The following CNTNAP2 variants were observed in gnomAD, a reference collection of about 807,000 sequenced individuals.
The protein encoded by CNTNAP2 is contactin associated protein 2, also known as contactin-associated protein-like 2.
In CNTNAP2, 98 loss-of-function variants were observed where a neutral mutation model predicts 155.2. The ratio of observed to expected loss-of-function variants is 0.63; its 90% CI spans 0.54 to 0.75. The LOEUF (loss-of-function observed/expected upper bound fraction) is 0.75. Ranked by LOEUF, CNTNAP2 falls within the 30% of genes least tolerant of loss-of-function variation. The pLI is 0.00. For synonymous variants in CNTNAP2, 651 were observed against 631.2 expected, an observed-to-expected ratio of 1.03 and a Z score of -0.47; for missense variants, 1,727 against 1,688.1, an observed-to-expected ratio of 1.02 and a Z score of -0.40.
At position 146,158,563 on chromosome 7, in the gene CNTNAP2, T is replaced by A. The variant is rs149479957; in HGVS notation, c.97+41590T>A. On this transcript the variant is annotated intron_variant, in intron 1 of 23. Transcript: ENST00000361727. ...AAGTCCTTAAATGACCTGATGAAGC[T>A]GAAAACCACGGCATGAGAACTATGT... Among the ~76,000 whole-genome samples, 129 of 152,232 alleles carry A rather than the reference T, an allele frequency of 8.5e-4. 1 individual carries two copies. Among genetic ancestry groups the A allele is most frequent in the Non-Finnish European group, 1.7e-3 (114 of 68,026 alleles).
At chr7:148,126,641 T>C (rs1401631439) in intron 16 of CNTNAP2, among the ~76,000 whole-genome samples, 1 of 152,162 alleles carries the variant, frequency 6.6e-6, no homozygotes, top group African/African-American at 2.4e-5. Flanking sequence ...TGGTCACCTA[T>C]GTCACTGTTG....
intron 21 of CNTNAP2, among the ~76,000 whole-genome samples, chr7:148,301,848 C>A (rs1451372103): frequency 1.3e-5 from 2 of 152,166 alleles, no homozygotes; most frequent in Admixed American, 6.5e-5. Flanking sequence ...GAGGAGGACC[C>A]ATGGGTGACT....
At chr7:147,871,609 C>T (rs1197563478) in intron 13 of CNTNAP2, among the ~76,000 whole-genome samples, 1 of 151,968 alleles carries the variant, frequency 6.6e-6, no homozygotes, top group East Asian at 1.9e-4. Context: ...GGCTGCTGCC[C>T]ACTGAAGTGG....
chr7:146,559,300 T>G (rs1798245634), intron 1 of CNTNAP2, among the ~76,000 whole-genome samples: 1 of 152,130 alleles, frequency 6.6e-6, no homozygotes, highest in South Asian at 2.1e-4. Flanking sequence ...CCAGGTGTGG[T>G]GGCTCATGCC....
chr7:147,567,658 G>C (rs534247893), intron 12 of CNTNAP2, among the ~76,000 whole-genome samples: 1 of 152,170 alleles, frequency 6.6e-6, no homozygotes, highest in African/African-American at 2.4e-5. Flanking sequence ...ATGACATGGA[G>C]CACAGAGGAG....
chr7:147,571,603 C>T (rs1472218407), intron 12 of CNTNAP2, among the ~76,000 whole-genome samples: 1 of 151,998 alleles, frequency 6.6e-6, no homozygotes, highest in Non-Finnish European at 1.5e-5. Context: ...TACTGGATAT[C>T]ATCGGTAACA....
intron 8 of CNTNAP2, among the ~76,000 whole-genome samples, chr7:147,233,416 C>A (rs896635625): frequency 6.6e-6 from 1 of 152,000 alleles, no homozygotes; most frequent in African/African-American, 2.4e-5. Flanking sequence ...TATTTTAATT[C>A]CACAATTTAA....
intron 3 of CNTNAP2, among the ~76,000 whole-genome samples, chr7:146,979,984 C>A (rs947446369): frequency 6.6e-6 from 1 of 152,126 alleles, no homozygotes; most frequent in Non-Finnish European, 1.5e-5. Context: ...ACTGCAATTA[C>A]TTTTGCACCA....
chr7:147,947,012 A>G (rs963481202), intron 14 of CNTNAP2, among the ~76,000 whole-genome samples: 2 of 151,882 alleles, frequency 1.3e-5, no homozygotes, highest in Admixed American at 1.3e-4. Flanking sequence ...AATGACTTAC[A>G]GGGGAAATGA....
Position 148,341,976 on chromosome 7 carries a change from TGAGAG to T in CNTNAP2, c.3476-41667_3476-41663del, listed in dbSNP as rs570357859. ...AGGTTTGTGTTGTGCCCTGTGGAGCTGAGAGGAGAGTAGGGAATTGATGGAGCAGA... is the reference window on the plus strand; with the variant it reads ...AGGTTTGTGTTGTGCCCTGTGGAGCTGAGAGTAGGGAATTGATGGAGCAGA... On this transcript the variant is annotated intron_variant, in intron 21 of 23. Coordinates refer to ENST00000361727, the MANE Select transcript of CNTNAP2 (RefSeq NM_014141.6). Among the ~76,000 whole-genome samples the T allele has an allele frequency of 2.3e-3, 357 of 152,314 alleles. 2 individuals are homozygous for T. Among genetic ancestry groups the T allele is most frequent in the African/African-American group, 8.4e-3 (350 of 41,558 alleles).
At chr7:146,333,641 TA>T (rs1175554226) in intron 1 of CNTNAP2, among the ~76,000 whole-genome samples, 1 of 152,178 alleles carries the variant, frequency 6.6e-6, no homozygotes, top group Non-Finnish European at 1.5e-5. Flanking sequence ...AGTTAAGGAG[TA>T]TTTTATTTAA....
chr7:148,021,366 G>A (rs756918227), intron 15 of CNTNAP2, among the ~76,000 whole-genome samples: 2 of 152,172 alleles, frequency 1.3e-5, no homozygotes, highest in African/African-American at 4.8e-5. Flanking sequence ...CTTGTAAACA[G>A]GTAAGTAAAA....
chr7:147,489,791 A>G (rs1798573630), intron 11 of CNTNAP2, among the ~76,000 whole-genome samples: 1 of 151,848 alleles, frequency 6.6e-6, no homozygotes, highest in African/African-American at 2.4e-5. Context: ...AATTTTTTGT[A>G]TTTTCAGTAT....
intron 13 of CNTNAP2, among the ~76,000 whole-genome samples, chr7:147,651,976 A>T (rs955527775): frequency 6.6e-6 from 1 of 152,240 alleles, no homozygotes; most frequent in Non-Finnish European, 1.5e-5. Context: ...AGTTGAATCA[A>T]GTTCCACTAC....
Position 146,964,823 on chromosome 7 carries a change from G to C in CNTNAP2, c.403-79084G>C, listed in dbSNP as rs1584752990. Among the ~76,000 whole-genome samples, 2 of 152,068 alleles carry C rather than the reference G, an allele frequency of 1.3e-5. 1 individual carries two copies. The highest frequency in any genetic ancestry group is 6.8e-3 in the Middle Eastern group (2 of 294). ...GCCCTTGTGGCATGAAAGCAGCCAT[G>C]GACAATACCTAAGCAGATAGTCATG... On this transcript the variant is annotated intron_variant, in intron 3 of 23. Transcript: ENST00000361727.
chr7:147,491,694 T>G (rs1362594185), intron 11 of CNTNAP2, among the ~76,000 whole-genome samples: 3 of 152,162 alleles, frequency 2.0e-5, no homozygotes, highest in Non-Finnish European at 2.9e-5. Flanking sequence ...CAACAGTGTT[T>G]TCTTTAAATT....
intron 9 of CNTNAP2, chr7:147,378,100 C>A: frequency 2.2e-6 from 1 of 459,438 alleles, no homozygotes; most frequent in Non-Finnish European, 4.4e-6. Context: ...TACTTTTGCA[C>A]CAACCTAATA....
intron 22 of CNTNAP2, among the ~76,000 whole-genome samples, chr7:148,404,043 T>C (rs1799646614): frequency 6.6e-6 from 1 of 152,248 alleles, no homozygotes; most frequent in African/African-American, 2.4e-5. Flanking sequence ...GAAACCTGCC[T>C]CACTGTAAGG....
chr7:148,333,540 G>A (rs1376147519), intron 21 of CNTNAP2, among the ~76,000 whole-genome samples: 1 of 152,090 alleles, frequency 6.6e-6, no homozygotes, highest in African/African-American at 2.4e-5. Context: ...AAGGCATGAG[G>A]TAACCTCATG....
Sources: allele counts gnomAD v4.1 joint callset (sites outside exome capture counted in the v4.1 genomes callset), GRCh38; gene constraint gnomAD v4.1.1; transcripts MANE v1.5; gene names NCBI Gene and HGNC (gene_info 2026-07-23, HGNC 2026-07-21).